CNBD1: variants seen among roughly 807,000 people sequenced by gnomAD.
CNBD1 encodes cyclic nucleotide-binding domain-containing protein 1.
In CNBD1, 71 loss-of-function variants were observed where a neutral mutation model predicts 54.4. That is an observed-to-expected ratio of 1.30 (90% CI 1.08 to 1.59). CNBD1 has a LOEUF of 1.59. CNBD1 is among the 40% of genes most tolerant of loss of function. CNBD1 has a pLI of 0.00. For synonymous variants in CNBD1, 182 were observed against 170.7 expected (o/e 1.07, Z -0.51); for missense variants, 659 against 518.0 (o/e 1.27, Z -2.64).
chr8:87,330,353 G>C (rs1232053105), intron 8 of CNBD1, among the ~76,000 whole-genome samples: 2 of 148,194 alleles, frequency 1.3e-5, no homozygotes, highest in Admixed American at 6.7e-5. Context: ...TATTAATTTT[G>C]GCTCTCATTT....
chr8:87,359,546 A>G (rs1157113437), intron 10 of CNBD1, among the ~76,000 whole-genome samples: 3 of 152,180 alleles, frequency 2.0e-5, no homozygotes, highest in Non-Finnish European at 4.4e-5. Flanking sequence ...AATTCTAATG[A>G]AAAATTAATG....
At chr8:87,376,868 T>C (rs1810951476) in intron 10 of CNBD1, among the ~76,000 whole-genome samples, 1 of 151,760 alleles carries the variant, frequency 6.6e-6, no homozygotes, top group African/African-American at 2.4e-5. Context: ...AAGCTTCTTA[T>C]TTTATAGATT....
chr8:87,379,148 C>A (rs2130957407), intron 10 of CNBD1, among the ~76,000 whole-genome samples: 1 of 151,960 alleles, frequency 6.6e-6, no homozygotes, highest in East Asian at 1.9e-4. Flanking sequence ...CCCTTTATTT[C>A]CTTCTCCTGC....
chr8:87,062,086 G>A (rs944580213), intron 4 of CNBD1, among the ~76,000 whole-genome samples: 1 of 152,226 alleles, frequency 6.6e-6, no homozygotes, highest in Non-Finnish European at 1.5e-5. Context: ...TGGTCAGCAA[G>A]TCAGCTCCCG....
At chr8:86,895,468 C>A (rs1006910110) in intron 2 of CNBD1, among the ~76,000 whole-genome samples, 15 of 151,996 alleles carry the variant, frequency 9.9e-5, no homozygotes, top group Admixed American at 8.5e-4. Context: ...GGGAAAATAC[C>A]AAGGAGCATG....
At chr8:86,932,358 T>A (rs1368035864) in intron 3 of CNBD1, among the ~76,000 whole-genome samples, 2 of 152,098 alleles carry the variant, frequency 1.3e-5, no homozygotes, top group Non-Finnish European at 2.9e-5. Flanking sequence ...ACATAACCGA[T>A]AGCCCAGGGG....
intron 4 of CNBD1, among the ~76,000 whole-genome samples, chr8:87,162,371 T>C (rs1170841741): frequency 6.6e-6 from 1 of 152,118 alleles, no homozygotes; most frequent in Admixed American, 6.6e-5. Context: ...TAAGGTTTAT[T>C]TTCTTGCTGC....
chr8:86,989,779 G>A (rs557958265), intron 4 of CNBD1, among the ~76,000 whole-genome samples: 2 of 152,096 alleles, frequency 1.3e-5, no homozygotes, highest in African/African-American at 4.8e-5. Flanking sequence ...GTTCTTTATA[G>A]TGCTTGTACT....
At chr8:87,251,807 G>T (rs1049402616) in intron 6 of CNBD1, among the ~76,000 whole-genome samples, 7 of 151,962 alleles carry the variant, frequency 4.6e-5, no homozygotes, top group Non-Finnish European at 1.0e-4. Context: ...TTCTTACACT[G>T]GCTGGGTCTC....
intron 8 of CNBD1, among the ~76,000 whole-genome samples, chr8:87,306,093 G>A (rs184172743): frequency 6.6e-6 from 1 of 152,190 alleles, no homozygotes; most frequent in East Asian, 1.9e-4. Flanking sequence ...GTGGTCTAAG[G>A]ACATGAATAG....
intron 4 of CNBD1, among the ~76,000 whole-genome samples, chr8:87,189,654 A>G (rs759165852): frequency 1.8e-4 from 28 of 152,198 alleles, no homozygotes; most frequent in Non-Finnish European, 3.1e-4. Context: ...TCAATTTTCA[A>G]TGGTGTATAG....
chr8:86,914,148 C>T (rs992995324), intron 3 of CNBD1, among the ~76,000 whole-genome samples: 4 of 152,104 alleles, frequency 2.6e-5, no homozygotes, highest in African/African-American at 4.8e-5. Flanking sequence ...GTTCAGTTAA[C>T]GCAATCATCA....
intron 6 of CNBD1, among the ~76,000 whole-genome samples, chr8:87,281,688 T>C (rs1310762118): frequency 6.7e-6 from 1 of 149,408 alleles, no homozygotes; most frequent in Non-Finnish European, 1.5e-5. Context: ...TCTTAGGAGA[T>C]GCGTTTCTGG....
chr8:87,428,590 C>G, exon 3 of CNBD1: 1 of 455,088 alleles, frequency 2.2e-6, no homozygotes, highest in Non-Finnish European at 4.4e-6. Context: ...AACAGCTAAA[C>G]CAACTTTTGG....
intron 8 of CNBD1, among the ~76,000 whole-genome samples, chr8:87,297,392 C>T (rs889394517): frequency 5.9e-5 from 9 of 152,062 alleles, no homozygotes; most frequent in African/African-American, 1.9e-4. Context: ...CTACATGTGG[C>T]TAGCGGCTAC....
intron 2 of CNBD1, among the ~76,000 whole-genome samples, chr8:87,392,080 G>T (rs368714682): frequency 3.5e-4 from 54 of 152,142 alleles, no homozygotes; most frequent in African/African-American, 9.9e-4. Flanking sequence ...TTATTAGGAA[G>T]ATGAAAATCA....
intron 8 of CNBD1, among the ~76,000 whole-genome samples, chr8:87,291,538 T>A (rs1284891503): frequency 6.6e-6 from 1 of 152,122 alleles, no homozygotes; most frequent in Non-Finnish European, 1.5e-5. Flanking sequence ...AGTGTAAGAA[T>A]CACCCTTAGT....
chr8:87,396,829 A>G (rs1372024587), intron 2 of CNBD1, among the ~76,000 whole-genome samples: 5 of 150,516 alleles, frequency 3.3e-5, no homozygotes, highest in Non-Finnish European at 7.4e-5. Flanking sequence ...ATTTAGAGCT[A>G]TCATTCCCCT....
At chr8:86,901,292 C>T (rs1808928927) in intron 2 of CNBD1, among the ~76,000 whole-genome samples, 1 of 152,020 alleles carries the variant, frequency 6.6e-6, no homozygotes, top group Non-Finnish European at 1.5e-5. Context: ...TAATTTTCAT[C>T]AAATACATGT....
Sources: gnomAD v4.1 joint callset for allele counts (sites outside exome capture counted in the v4.1 genomes callset) on GRCh38, gnomAD v4.1.1 for gene constraint, MANE v1.5 for transcripts, NCBI Gene and HGNC (gene_info 2026-07-23, HGNC 2026-07-21) for gene names.